Variants in PGM2L1 observed in about 807,000 individuals in gnomAD.
PGM2L1 encodes phosphoglucomutase 2 like 1.
A neutral mutation model predicts 73.4 loss-of-function variants in PGM2L1; 35 were observed. That is an observed-to-expected ratio of 0.48 (90% CI 0.36 to 0.63). The LOEUF is 0.63. Ranked by LOEUF, PGM2L1 falls within the 30% of genes least tolerant of loss-of-function variation. The pLI is 0.00. For missense variants in PGM2L1, 570 were observed against 742.0 expected (o/e 0.77, Z 2.69); for synonymous variants, 225 against 253.8 (o/e 0.89, Z 1.08).
At position 74,398,111 on chromosome 11, in the gene PGM2L1, G is replaced by T. The variant is rs758772835; in HGVS notation, c.51C>A (p.Pro17=). ...GDLNSNLLHA[P]YHTGDPQLDT... ...CCAGCTGAGGGTCCCCGGTGTGGTAGGGGGCGTGGAGCAGGTTGGAGTTCA... is the reference window on the plus strand; with the variant it reads ...CCAGCTGAGGGTCCCCGGTGTGGTATGGGGCGTGGAGCAGGTTGGAGTTCA... The change falls in exon 1 of 14, where the codon CCC becomes CCA. Residue 17 remains proline, a synonymous_variant. Coordinates refer to ENST00000298198, the MANE Select transcript of PGM2L1 (RefSeq NM_173582.6). 257 of 1,613,124 alleles carry T rather than the reference G, an allele frequency of 1.6e-4. No homozygotes were observed. The highest frequency in any genetic ancestry group is 2.1e-4 in the Non-Finnish European group (250 of 1,179,498).
At chr11:74,337,233 G>C (rs193163781) in intron 13 of PGM2L1, among the ~76,000 whole-genome samples, 2 of 152,358 alleles carry the variant, frequency 1.3e-5, no homozygotes, top group South Asian at 2.1e-4. Context: ...AGTCATCACT[G>C]AGGTGCTGCC....
Position 74,356,630 on chromosome 11 carries a change from G to A in PGM2L1, c.556-5054C>T, listed in dbSNP as rs1862460911. On this transcript the variant is annotated intron_variant, in intron 5 of 13. Coordinates refer to ENST00000298198, the MANE Select transcript of PGM2L1 (RefSeq NM_173582.6). ...GAAAAATACCATAATATCATGCATG[G>A]AAAAATATCATAAATAAAGTCAAGA... 2.0e-5 allele frequency among the ~76,000 whole-genome samples: 3 copies of A among 152,076 alleles called. No homozygotes were observed. The South Asian group carries it at 6.2e-4, about 32-fold the overall frequency.
intron 5 of PGM2L1, among the ~76,000 whole-genome samples, chr11:74,362,322 C>T (rs1191943275): frequency 6.6e-6 from 1 of 152,020 alleles, no homozygotes; most frequent in Non-Finnish European, 1.5e-5. Flanking sequence ...AGAATAAAAT[C>T]CTTTACAGAC....
intron 6 of PGM2L1, among the ~76,000 whole-genome samples, chr11:74,348,961 A>G (rs1415977631): frequency 6.6e-6 from 1 of 152,222 alleles, no homozygotes; most frequent in Non-Finnish European, 1.5e-5. Context: ...AATGCTGTCA[A>G]ACTAAGATTC....
At position 74,398,298 on chromosome 11, in the gene PGM2L1, G is replaced by A; in HGVS notation, c.-137C>T. ...ATCGGAGACCAACCGCAGGGTGTTC[G>A]TAACAGCTCCTGCCGCGGCGTCAGG... On this transcript the variant is annotated 5_prime_UTR_variant, in exon 1 of 14. The change creates a new upstream start codon in the 5' untranslated region. Transcript: ENST00000298198. 2 of 1,270,734 alleles carry A rather than the reference G, an allele frequency of 1.6e-6. No homozygotes were observed. The highest frequency in any genetic ancestry group is 2.1e-6 in the Non-Finnish European group (2 of 974,570). 78.7% of individuals were successfully genotyped at this position (1,270,734 alleles called of 1,614,324 possible). A position where few individuals can be genotyped will look rare whatever the true frequency, so the allele number is the denominator to read the frequency against.
In PGM2L1 at chr11:74,342,456, C is replaced by A; in HGVS notation, c.1632+5G>T. ...AATTGTTTGGAAAAAAAAAAAGGTA[C>A]TTACTGATTTCTTATTAGGCTGGCT... On this transcript the variant is annotated splice_donor_5th_base_variant and intron_variant, in intron 12 of 13. Transcript: ENST00000298198. 1 of 1,419,680 alleles carries A rather than the reference C, an allele frequency of 7.0e-7. No homozygotes were observed. Among genetic ancestry groups the A allele is most frequent in the South Asian group, 1.7e-5 (1 of 57,354 alleles). The allele number at this position is 1,419,680 out of a possible 1,614,324, so 87.9% of individuals were successfully genotyped here. A position where few individuals can be genotyped will look rare whatever the true frequency, so the allele number is the denominator to read the frequency against.
Position 74,336,383 on chromosome 11 carries a change from G to A in PGM2L1, c.*269C>T, listed in dbSNP as rs192802345. ...TTTGAATTGTGATGTTTCTGTTAAC[G>A]GAAGGACAATACGTTACTATAATAC... On this transcript the variant is annotated 3_prime_UTR_variant, in exon 14 of 14. Transcript: ENST00000298198. 14 of 215,054 alleles carry A rather than the reference G, an allele frequency of 6.5e-5. No individual in the cohort carries two copies. Among genetic ancestry groups the A allele is most frequent in the Admixed American group, 2.8e-4 (5 of 17,822 alleles). The allele number at this position is 215,054 out of a possible 1,614,324, so 13.3% of individuals were successfully genotyped here.
Position 74,342,646 on chromosome 11 carries a change from C to A in PGM2L1, c.1447G>T (p.Gly483Cys). 6.4e-7 allele frequency: 1 copy of A among 1,558,232 alleles called. No individual in the cohort carries two copies. Among genetic ancestry groups the A allele is most frequent in the Non-Finnish European group, 8.7e-7 (1 of 1,151,512 alleles). Reference sequence around the variant, plus strand: ...TAGGAAGTTTTTGAAATATGATAACCATATCTGTGCAAAGATTCAAAGTGC... The same window carrying A: ...TAGGAAGTTTTTGAAATATGATAACAATATCTGTGCAAAGATTCAAAGTGC... ...QQLVKVYEKY[G>C]YHISKTSYFL... The change falls in exon 12 of 14, where the codon GGT becomes TGT. Residue 483 changes from glycine to cysteine, a missense_variant. By Grantham distance (159) the Gly-to-Cys change is radical (BLOSUM62 -3). Coordinates refer to ENST00000298198, the MANE Select transcript of PGM2L1 (RefSeq NM_173582.6).
At chr11:74,384,459 G>A (rs781132617) in intron 1 of PGM2L1, among the ~76,000 whole-genome samples, 8 of 151,850 alleles carry the variant, frequency 5.3e-5, no homozygotes, top group Non-Finnish European at 7.4e-5. Context: ...AAATATAGGA[G>A]CCCTTGCCGG....
Position 74,374,458 on chromosome 11 carries a change from C to A in PGM2L1, c.236G>T (p.Gly79Val), listed in dbSNP as rs776223611. Residue 79 changes from glycine to valine, a missense_variant, in exon 2 of 14, where the codon GGG becomes GTG. Gly to Val is a moderately radical substitution (Grantham distance 109). Coordinates refer to ENST00000298198, the MANE Select transcript of PGM2L1 (RefSeq NM_173582.6). ...TAGLRSAMGA[G>V]FCYINDLTVI... ...TGTAAGGTCATTAATATAGCAAAAC[C>A]CTGCCCCCATGGCAGAACGAAGTCC... 1 of 1,613,990 alleles carries A rather than the reference C, an allele frequency of 6.2e-7. No homozygotes were observed. The highest frequency in any genetic ancestry group is 1.1e-5 in the South Asian group (1 of 91,076).
At chr11:74,371,645 CA>C (rs544066576) in intron 3 of PGM2L1, 65 bp downstream of exon 3, 19 of 1,402,588 alleles carry the variant, frequency 1.4e-5, no homozygotes, top group East Asian at 4.6e-5. Context: ...TACTACTAGA[CA>C]AAAAAATGTT....
intron 4 of PGM2L1, among the ~76,000 whole-genome samples, chr11:74,370,373 C>T (rs934644264): frequency 1.3e-5 from 2 of 152,128 alleles, no homozygotes; most frequent in Non-Finnish European, 2.9e-5. Context: ...TTCCTTAATC[C>T]ATGAATAGTT....
chr11:74,368,730 C>T lies in PGM2L1; in HGVS notation c.472-155G>A, dbSNP rs192126062. ...ATTTTCTATTTACTTGATTTTTCCTCATACCTTTATTATAAGATTTCCTTC... is the reference window on the plus strand; with the variant it reads ...ATTTTCTATTTACTTGATTTTTCCTTATACCTTTATTATAAGATTTCCTTC... On this transcript the variant is annotated intron_variant, in intron 4 of 13. Transcript: ENST00000298198. Among the ~76,000 whole-genome samples the T allele has an allele frequency of 2.5e-3, 379 of 152,252 alleles. 2 individuals carry two copies. Among genetic ancestry groups the T allele is most frequent in the Non-Finnish European group, 2.9e-3 (200 of 68,010 alleles).
chr11:74,372,232 T>C (rs1372427340), intron 2 of PGM2L1, among the ~76,000 whole-genome samples: 1 of 152,110 alleles, frequency 6.6e-6, no homozygotes, highest in Non-Finnish European at 1.5e-5. Flanking sequence ...CTAGATCATA[T>C]GATTGAAGTT....
intron 1 of PGM2L1, among the ~76,000 whole-genome samples, chr11:74,392,762 G>A (rs975725934): frequency 2.0e-5 from 3 of 152,144 alleles, no homozygotes; most frequent in Non-Finnish European, 2.9e-5. Context: ...GGATGGTCTC[G>A]ATCTCCTGAC....
Position 74,397,209 on chromosome 11 carries a change from C to T in PGM2L1, c.111+842G>A, listed in dbSNP as rs147267327. Among the ~76,000 whole-genome samples the T allele has an allele frequency of 3.3e-3, 504 of 152,286 alleles. 4 individuals are homozygous for T. Among genetic ancestry groups the T allele is most frequent in the African/African-American group, 0.011 (474 of 41,558 alleles). The stretch of plus-strand genomic sequence containing the variant: ...CAACAAAGGTATTTTACGCACTTGA[C>T]AAAGCAAAAGCTTGGATTATCTTCC... On this transcript the variant is annotated intron_variant, in intron 1 of 13. Coordinates refer to ENST00000298198, the MANE Select transcript of PGM2L1 (RefSeq NM_173582.6).
intron 5 of PGM2L1, among the ~76,000 whole-genome samples, chr11:74,353,447 A>G (rs1862389980): frequency 6.6e-6 from 1 of 151,784 alleles, no homozygotes; most frequent in African/African-American, 2.4e-5. Context: ...ACATGTGAAC[A>G]AGGGTCTCTG....
intron 6 of PGM2L1, among the ~76,000 whole-genome samples, chr11:74,350,935 G>GAGAA (rs1173997153): frequency 6.6e-6 from 1 of 151,444 alleles, no homozygotes; most frequent in African/African-American, 2.4e-5. Context: ...GAGAGAGAGA[G>GAGAA]AGAAAGAAAC....
chr11:74,368,969 T>C (rs1862706060), intron 4 of PGM2L1, among the ~76,000 whole-genome samples: 2 of 152,156 alleles, frequency 1.3e-5, no homozygotes, highest in South Asian at 2.1e-4. Flanking sequence ...TTTGCTCAGT[T>C]CCTATACACA....
Sources: gnomAD v4.1 joint callset for allele counts (sites outside exome capture counted in the v4.1 genomes callset) on GRCh38, gnomAD v4.1.1 for gene constraint, MANE v1.5 for transcripts, NCBI Gene and HGNC (gene_info 2026-07-23, HGNC 2026-07-21) for gene names.